Variants in TLL1 observed in about 807,000 individuals in gnomAD.
TLL1 encodes the protein tolloid like 1, also known as tolloid-like protein 1.
In TLL1, 49 loss-of-function variants were observed where a neutral mutation model predicts 128.2. The ratio of observed to expected loss-of-function variants is 0.38; its 90% CI spans 0.30 to 0.48. The LOEUF is 0.48. Among genes scored for constraint, TLL1 ranks in the 20% least tolerant of loss-of-function variants. The pLI is 0.96. For missense variants in TLL1, 1,123 were observed against 1,242.0 expected (o/e 0.90, Z 1.44); for synonymous variants, 454 against 418.8 (o/e 1.08, Z -1.03).
chr4:166,082,945 G>A lies in TLL1; in HGVS notation c.2442+4915G>A, dbSNP rs910396656. Among the ~76,000 whole-genome samples, 4 of 152,200 alleles carry A rather than the reference G, an allele frequency of 2.6e-5. No homozygotes were observed. In the South Asian group the frequency reaches 6.2e-4, roughly 24 times the overall value. On this transcript the variant is annotated intron_variant, in intron 18 of 20. Transcript: ENST00000061240. ...GCCTGCCTCAACCTCCCAAAATGCTGGGATTACAGGAGTGAGCCACCGTGC... is the reference window on the plus strand; with the variant it reads ...GCCTGCCTCAACCTCCCAAAATGCTAGGATTACAGGAGTGAGCCACCGTGC...
chr4:165,953,311 G>A (rs1734615569), intron 1 of TLL1, among the ~76,000 whole-genome samples: 3 of 152,018 alleles, frequency 2.0e-5, no homozygotes, highest in South Asian at 2.1e-4. Flanking sequence ...CAGGAACCGT[G>A]AGGTACAGCC....
In TLL1 at chr4:166,074,984, T is replaced by C. The variant is rs1740956882; in HGVS notation, c.2295T>C (p.Asn765=). 3 of 1,613,462 alleles carry C rather than the reference T, an allele frequency of 1.9e-6. No individual in the cohort carries two copies. In the African/African-American group the frequency reaches 4.0e-5, roughly 22 times the overall value. The change falls in exon 17 of 21, where the codon AAT becomes AAC. Residue 765 remains asparagine (N), a synonymous_variant. Coordinates refer to ENST00000061240, the MANE Select transcript of TLL1 (RefSeq NM_012464.5). The part of the protein sequence containing the change: ...QCRNGFVLHD[N]KHDCKEAECE... ...GTAATGGATTTGTGCTACATGACAA[T>C]AAACATGATTGCAAGGAAGGTATGG...
At chr4:166,027,956 A>AT (rs1738584189) in intron 9 of TLL1, among the ~76,000 whole-genome samples, 1 of 152,068 alleles carries the variant, frequency 6.6e-6, no homozygotes, top group South Asian at 2.1e-4. Context: ...TCTATCATCT[A>AT]TTATTTTTCT....
At chr4:165,912,425 G>T (rs1428269900) in intron 1 of TLL1, among the ~76,000 whole-genome samples, 1 of 152,116 alleles carries the variant, frequency 6.6e-6, no homozygotes, top group Non-Finnish European at 1.5e-5. Context: ...TACGGTTCTG[G>T]TTTCCTACTC....
chr4:166,017,323 T>C (rs1203251775), intron 8 of TLL1, among the ~76,000 whole-genome samples: 2 of 151,984 alleles, frequency 1.3e-5, no homozygotes, highest in African/African-American at 4.8e-5. Context: ...CACACTTTCT[T>C]TATTCAATCC....
intron 1 of TLL1, among the ~76,000 whole-genome samples, chr4:165,924,768 A>G (rs1205081339): frequency 6.6e-6 from 1 of 152,206 alleles, no homozygotes; most frequent in Non-Finnish European, 1.5e-5. Flanking sequence ...AAGTCAATGC[A>G]TGACTTCGAA....
At chr4:166,064,329 G>T (rs557297636) in intron 15 of TLL1, among the ~76,000 whole-genome samples, 11 of 152,138 alleles carry the variant, frequency 7.2e-5, no homozygotes, top group African/African-American at 2.6e-4. Context: ...ACTGTGTTGG[G>T]TGTGACATTT....
At position 166,101,188 on chromosome 4, in the gene TLL1, T is replaced by C; in HGVS notation, c.*312T>C. On this transcript the variant is annotated 3_prime_UTR_variant, in exon 21 of 21. Transcript: ENST00000061240. ...ATGCCTCACAATTCAGACAGTTTAA[T>C]TCAGGAACTGTGACCCTGCAGTGTT... 2.9e-6 allele frequency: 1 copy of C among 346,632 alleles called. No individual in the cohort carries two copies. Among genetic ancestry groups the C allele is most frequent in the Non-Finnish European group, 5.4e-6 (1 of 183,938 alleles). The allele number at this position is 346,632 out of a possible 1,614,324, so 21.5% of individuals were successfully genotyped here.
At chr4:165,995,364 T>C (rs1238879171) in intron 5 of TLL1, among the ~76,000 whole-genome samples, 186 bp downstream of exon 5, 2 of 152,230 alleles carry the variant, frequency 1.3e-5, no homozygotes, top group Non-Finnish European at 2.9e-5. Context: ...CCTCTGTGCA[T>C]CTACTGCAAG....
At chr4:165,979,834 TG>T (rs1031300764) in intron 1 of TLL1, among the ~76,000 whole-genome samples, 1 of 152,126 alleles carries the variant, frequency 6.6e-6, no homozygotes, top group Non-Finnish European at 1.5e-5. Flanking sequence ...AGGCAAATTT[TG>T]CAAGCTGTTC....
At chr4:166,025,635 G>A (rs889380960) in intron 9 of TLL1, among the ~76,000 whole-genome samples, 1 of 152,080 alleles carries the variant, frequency 6.6e-6, no homozygotes, top group African/African-American at 2.4e-5. Flanking sequence ...TGCAATAGGA[G>A]GGTTGAAATA....
At chr4:166,047,892 A>T (rs7663466) in intron 12 of TLL1, among the ~76,000 whole-genome samples, 1 of 151,996 alleles carries the variant, frequency 6.6e-6, no homozygotes, top group Admixed American at 6.6e-5. Context: ...TCTTTGGGAC[A>T]TGATTAGTCA....
intron 1 of TLL1, among the ~76,000 whole-genome samples, chr4:165,874,484 G>A (rs1730636398): frequency 1.3e-5 from 2 of 152,124 alleles, no homozygotes; most frequent in African/African-American, 2.4e-5. Flanking sequence ...GTTTCCCAGC[G>A]CTTGTTCGAG....
At chr4:166,093,235 A>G (rs1171119451) in intron 19 of TLL1, among the ~76,000 whole-genome samples, 2 of 152,134 alleles carry the variant, frequency 1.3e-5, no homozygotes, top group Admixed American at 6.5e-5. Context: ...GAGTTCTCTC[A>G]GTTTTTATTG....
chr4:166,033,434 G>T lies in TLL1; in HGVS notation c.1159-5905G>T, dbSNP rs1020884655. ...TTTATGGAAGAATATATAAGAAAATGATGCTTATTTCTACCTGCTGAGTTT... is the reference window on the plus strand; with the variant it reads ...TTTATGGAAGAATATATAAGAAAATTATGCTTATTTCTACCTGCTGAGTTT... On this transcript the variant is annotated intron_variant, in intron 9 of 20. Transcript: ENST00000061240. Among the ~76,000 whole-genome samples, 4 of 152,214 alleles carry T rather than the reference G, an allele frequency of 2.6e-5. No individual in the cohort carries two copies. The East Asian group carries it at 7.7e-4, about 29-fold the overall frequency.
At position 165,994,303 on chromosome 4, in the gene TLL1, A is replaced by C; in HGVS notation, c.362-78A>C. On this transcript the variant is annotated intron_variant, in intron 3 of 20. Transcript: ENST00000061240. ...AAAAAATATGTAAATAAGACATTTT[A>C]ACTTTTGTCCTTTAAGAGGTAAATG... 9 of 1,557,384 alleles carry C rather than the reference A, an allele frequency of 5.8e-6. No homozygotes were observed. In the Admixed American group the frequency reaches 1.5e-4, roughly 27 times the overall value.
intron 18 of TLL1, 104 bp from the exon 19 acceptor site, chr4:166,091,024 A>G (rs1741746217): frequency 6.9e-6 from 6 of 867,652 alleles, no homozygotes; most frequent in Middle Eastern, 6.5e-4. Flanking sequence ...AATTATTAGT[A>G]TGCCCTGAAC....
chr4:166,099,086 C>T (rs1742159495), intron 19 of TLL1, among the ~76,000 whole-genome samples, 191 bp from the exon 20 acceptor site: 1 of 152,056 alleles, frequency 6.6e-6, no homozygotes, highest in Admixed American at 6.5e-5. Flanking sequence ...CAACCCAGGT[C>T]GTCCATGTCT....
chr4:165,904,884 A>G (rs1732179467), intron 1 of TLL1, among the ~76,000 whole-genome samples: 1 of 152,240 alleles, frequency 6.6e-6, no homozygotes, highest in Non-Finnish European at 1.5e-5. Context: ...AAAAAGAGAA[A>G]TTGGACGGAA....
Sources: gnomAD v4.1 joint callset for allele counts (sites outside exome capture counted in the v4.1 genomes callset) on GRCh38, gnomAD v4.1.1 for gene constraint, MANE v1.5 for transcripts, NCBI Gene and HGNC (gene_info 2026-07-23, HGNC 2026-07-21) for gene names.